Variants in UGP2 observed in about 807,000 individuals in gnomAD.
The protein encoded by UGP2 is UDP-glucose pyrophosphorylase 2, also known as UTP--glucose-1-phosphate uridylyltransferase.
In UGP2, 40 loss-of-function variants were observed where a neutral mutation model predicts 49.0. The ratio of observed to expected loss-of-function variants is 0.82; its 90% CI spans 0.63 to 1.06. The LOEUF is 1.06. UGP2 is among the 50% of genes least tolerant of loss of function. The pLI is 0.00. For synonymous variants in UGP2, 225 were observed against 213.0 expected, an observed-to-expected ratio of 1.06 and a Z score of -0.49; for missense variants, 460 against 603.5, an observed-to-expected ratio of 0.76 and a Z score of 2.49.
chr2:63,885,478 T>TA (rs1437795623), intron 5 of UGP2, 111 bp from the exon 6 acceptor site: 2 of 860,542 alleles, frequency 2.3e-6, no homozygotes, highest in African/African-American at 3.5e-5. Flanking sequence ...TACTTATTGA[T>TA]AGACTCTGAA....
chr2:63,888,849 G>C (rs1034065114), intron 8 of UGP2: 1 of 152,204 alleles, frequency 6.6e-6, no homozygotes, highest in African/African-American at 2.4e-5. Flanking sequence ...CTGTGGACCT[G>C]CTGTAAAACT....
At chr2:63,889,941 T>C (rs1671969923) in intron 8 of UGP2, 140 bp from the exon 9 acceptor site, 3 of 642,460 alleles carry the variant, frequency 4.7e-6, no homozygotes, top group African/African-American at 3.7e-5. Flanking sequence ...GAGTGCTTAA[T>C]AAGTAGGTGC....
At chr2:63,880,914 CTT>C (rs1671262758) in intron 3 of UGP2, among the ~76,000 whole-genome samples, 1 of 152,148 alleles carries the variant, frequency 6.6e-6, no homozygotes, top group Non-Finnish European at 1.5e-5. Context: ...CTCCTCTTAT[CTT>C]TTCTGTAACC....
upstream of UGP2, chr2:63,841,116 G>C (rs1283526898): frequency 1.3e-5 from 2 of 152,280 alleles, no homozygotes; most frequent in African/African-American, 4.8e-5. Flanking sequence ...AGGTGTGCAT[G>C]TGTGAGGGAA....
intron 3 of UGP2, among the ~76,000 whole-genome samples, chr2:63,861,061 C>G (rs1211302752): frequency 2.0e-5 from 3 of 151,834 alleles, no homozygotes; most frequent in African/African-American, 7.2e-5. Context: ...TAATAAGAAC[C>G]CAGTTTATAG....
rs1672146072 is a variant in UGP2, at chr2:63,891,364, AG to A, written c.*138del. 5.0e-6 allele frequency: 3 copies of A among 597,848 alleles called. No homozygotes were observed. Among genetic ancestry groups the A allele is most frequent in the Admixed American group, 3.8e-5 (1 of 26,456 alleles). The allele number at this position is 597,848 out of a possible 1,614,324, so 37.0% of individuals were successfully genotyped here. A position where few individuals can be genotyped will look rare whatever the true frequency, so the allele number is the denominator to read the frequency against. On this transcript the variant is annotated 3_prime_UTR_variant, in exon 10 of 10. Transcript: ENST00000337130. ...TGATTTTTAAAATAGAGTTTTCTGC[AG>A]TATGCTTTTAGTCTAAGAAAAGCAC...
intron 8 of UGP2, 99 bp from the exon 9 acceptor site, chr2:63,889,982 A>T: frequency 1.1e-6 from 1 of 899,768 alleles, no homozygotes; most frequent in Non-Finnish European, 1.7e-6. Context: ...TTTGCCAAAA[A>T]AGGTTTCTAC....
chr2:63,848,835 G>C (rs931312830), intron 1 of UGP2, among the ~76,000 whole-genome samples: 1 of 152,322 alleles, frequency 6.6e-6, no homozygotes, highest in East Asian at 1.9e-4. Context: ...CTGTTTCCCA[G>C]TTTTCTTGAT....
intron 3 of UGP2, among the ~76,000 whole-genome samples, chr2:63,861,254 C>T (rs556616751): frequency 1.5e-4 from 22 of 151,498 alleles, no homozygotes; most frequent in African/African-American, 4.6e-4. Flanking sequence ...CATTGTTTTC[C>T]AGAGAGGTTA....
At chr2:63,871,742 G>A (rs893817615) in intron 3 of UGP2, among the ~76,000 whole-genome samples, 2 of 152,232 alleles carry the variant, frequency 1.3e-5, no homozygotes, top group African/African-American at 4.8e-5. Flanking sequence ...TCTTGCCAGT[G>A]GAAGCACGAA....
At chr2:63,880,157 C>T (rs1251240281) in intron 3 of UGP2, among the ~76,000 whole-genome samples, 2 of 145,492 alleles carry the variant, frequency 1.4e-5, no homozygotes, top group Non-Finnish European at 3.1e-5. Flanking sequence ...CCCCTCTCCC[C>T]TTCCCCCTTC....
chr2:63,888,903 AAATGTG>A (rs1221311249), intron 8 of UGP2: 1 of 152,240 alleles, frequency 6.6e-6, no homozygotes, highest in East Asian at 1.9e-4. Flanking sequence ...TTAATCAATG[AAATGTG>A]ACACTGTGAG....
Position 63,883,995 on chromosome 2 carries a change from T to A in UGP2, c.477T>A (p.Leu159=). The change falls in exon 5 of 10, where the codon CTT becomes CTA. Residue 159 remains leucine, a synonymous_variant. Transcript: ENST00000337130. ...LNKTYNTDVP[L]VLMNSFNTDE... ...AAACCTACAATACAGATGTTCCTCTTGTTTTAATGAACTCTTTTAACACGG... is the reference window on the plus strand; with the variant it reads ...AAACCTACAATACAGATGTTCCTCTAGTTTTAATGAACTCTTTTAACACGG... 1 of 1,612,656 alleles carries A rather than the reference T, an allele frequency of 6.2e-7. No individual in the cohort carries two copies. The highest frequency in any genetic ancestry group is 8.5e-7 in the Non-Finnish European group (1 of 1,179,646).
intron 3 of UGP2, among the ~76,000 whole-genome samples, chr2:63,877,981 CAG>C (rs1671027563): frequency 9.0e-6 from 1 of 110,710 alleles, no homozygotes; most frequent in Non-Finnish European, 1.7e-5. Flanking sequence ...GCCTGGGCGA[CAG>C]AGCGAGACTC....
At chr2:63,872,459 A>G (rs921773728) in intron 3 of UGP2, among the ~76,000 whole-genome samples, 1 of 152,196 alleles carries the variant, frequency 6.6e-6, no homozygotes, top group African/African-American at 2.4e-5. Flanking sequence ...TAAGCACTTT[A>G]TATGCATTAT....
intron 3 of UGP2, among the ~76,000 whole-genome samples, chr2:63,867,693 C>G (rs1159542229): frequency 2.6e-5 from 4 of 152,070 alleles, no homozygotes; most frequent in Admixed American, 6.5e-5. Flanking sequence ...TATCAGTGTA[C>G]TTAATTTGAT....
intron 3 of UGP2, among the ~76,000 whole-genome samples, chr2:63,870,292 T>G (rs1355691923): frequency 6.6e-6 from 1 of 152,196 alleles, no homozygotes; most frequent in Non-Finnish European, 1.5e-5. Flanking sequence ...ATGTACTTGA[T>G]CTGATAGTTT....
At chr2:63,884,456 T>C (rs1671522222) in intron 5 of UGP2, among the ~76,000 whole-genome samples, 1 of 152,198 alleles carries the variant, frequency 6.6e-6, no homozygotes. Context: ...TTCAACACCT[T>C]TTATGGGCTT....
intron 3 of UGP2, among the ~76,000 whole-genome samples, chr2:63,875,866 CAG>C (rs1168880413): frequency 2.6e-5 from 4 of 152,102 alleles, no homozygotes; most frequent in African/African-American, 9.7e-5. Flanking sequence ...AAGAGAGAAA[CAG>C]GGTGATTAGA....
Sources: allele counts gnomAD v4.1 joint callset (sites outside exome capture counted in the v4.1 genomes callset), GRCh38; gene constraint gnomAD v4.1.1; transcripts MANE v1.5; gene names NCBI Gene and HGNC (gene_info 2026-07-23, HGNC 2026-07-21).